Variants in ENTREP2 observed in about 807,000 individuals in gnomAD.
ENTREP2 encodes protein ENTREP2.
the ENTREP2 span, among the ~76,000 whole-genome samples, chr15:29,394,456 A>G: frequency 6.6e-6 from 1 of 152,214 alleles, no homozygotes; most frequent in Non-Finnish European, 1.5e-5. Context: ...AAGCCACAAT[A>G]GTTATAAGTG....
chr15:29,353,437 G>A, the ENTREP2 span, among the ~76,000 whole-genome samples: 1 of 152,132 alleles, frequency 6.6e-6, no homozygotes, highest in Non-Finnish European at 1.5e-5. Context: ...ATGCACTTAG[G>A]TAGGTAGGTA....
the ENTREP2 span, among the ~76,000 whole-genome samples, chr15:29,177,086 C>T: frequency 6.6e-6 from 1 of 152,184 alleles, no homozygotes; most frequent in Non-Finnish European, 1.5e-5. Context: ...CCCAGCTCTC[C>T]ACCTGGGAGC....
the ENTREP2 span, chr15:29,233,632 G>A: frequency 1.3e-6 from 1 of 780,866 alleles, no homozygotes; most frequent in South Asian, 1.6e-5. Flanking sequence ...AGGTGTGCGA[G>A]AGCTTAGTTT....
chr15:29,358,720 C>T, the ENTREP2 span, among the ~76,000 whole-genome samples: 1 of 151,050 alleles, frequency 6.6e-6, no homozygotes, highest in African/African-American at 2.4e-5. Flanking sequence ...TAAAGTAAAG[C>T]ACTCTCAACG....
chr15:29,289,714 T>C, the ENTREP2 span, among the ~76,000 whole-genome samples: 1 of 151,838 alleles, frequency 6.6e-6, no homozygotes, highest in African/African-American at 2.4e-5. Flanking sequence ...GGCATGGTGG[T>C]GCGCACCTGT....
the ENTREP2 span, among the ~76,000 whole-genome samples, chr15:29,629,404 G>A: frequency 3.9e-5 from 6 of 151,982 alleles, no homozygotes; most frequent in Non-Finnish European, 8.8e-5. Flanking sequence ...ATTTCTTGTG[G>A]ATTACCTGAA....
At chr15:29,556,238 TAG>T in the ENTREP2 span, among the ~76,000 whole-genome samples, 4 of 152,236 alleles carry the variant, frequency 2.6e-5, no homozygotes, top group South Asian at 4.2e-4. Flanking sequence ...GCCTGGGCTG[TAG>T]AGAGAGACCC....
chr15:29,181,908 G>A, the ENTREP2 span, among the ~76,000 whole-genome samples: 1 of 151,944 alleles, frequency 6.6e-6, no homozygotes, highest in Non-Finnish European at 1.5e-5. Flanking sequence ...TTAAAATCGG[G>A]AACAAGACAA....
At chr15:29,647,230 A>C in the ENTREP2 span, among the ~76,000 whole-genome samples, 1 of 152,350 alleles carries the variant, frequency 6.6e-6, no homozygotes, top group South Asian at 2.1e-4. Flanking sequence ...AACAGAGCCT[A>C]AAAACACACA....
the ENTREP2 span, among the ~76,000 whole-genome samples, chr15:29,453,238 G>T: frequency 1.1e-4 from 17 of 152,202 alleles, no homozygotes; most frequent in African/African-American, 4.1e-4. Context: ...CTCAGAGGCC[G>T]GTAGGACTGT....
At chr15:29,589,262 G>A in the ENTREP2 span, among the ~76,000 whole-genome samples, 3 of 152,096 alleles carry the variant, frequency 2.0e-5, no homozygotes, top group African/African-American at 7.2e-5. Flanking sequence ...CTTGATTTGG[G>A]TGGATTTCTG....
the ENTREP2 span, among the ~76,000 whole-genome samples, chr15:29,666,618 C>A: frequency 6.6e-6 from 1 of 152,206 alleles, no homozygotes; most frequent in Non-Finnish European, 1.5e-5. Flanking sequence ...CCTCACCGTG[C>A]CTGCACCAGC....
chr15:29,626,337 C>A, the ENTREP2 span, among the ~76,000 whole-genome samples: 1 of 152,094 alleles, frequency 6.6e-6, no homozygotes, highest in Non-Finnish European at 1.5e-5. Context: ...GGGGCGGTTT[C>A]CCCCATACTG....
chr15:29,519,233 A>G, the ENTREP2 span, among the ~76,000 whole-genome samples: 1 of 152,048 alleles, frequency 6.6e-6, no homozygotes, highest in East Asian at 1.9e-4. Flanking sequence ...GAGCTCAAGT[A>G]CAACTTCAGG....
chr15:29,660,994 CTCTATAA>C, the ENTREP2 span, among the ~76,000 whole-genome samples: 1 of 152,128 alleles, frequency 6.6e-6, no homozygotes, highest in African/African-American at 2.4e-5. Context: ...CAAGGGACAA[CTCTATAA>C]TTATTGTAAA....
At chr15:29,243,812 T>C in the ENTREP2 span, among the ~76,000 whole-genome samples, 1 of 152,106 alleles carries the variant, frequency 6.6e-6, no homozygotes, top group Non-Finnish European at 1.5e-5. Flanking sequence ...AAAACACGAA[T>C]AACATAATGA....
chr15:29,245,821 C>T, the ENTREP2 span, among the ~76,000 whole-genome samples: 1 of 152,102 alleles, frequency 6.6e-6, no homozygotes, highest in Non-Finnish European at 1.5e-5. Flanking sequence ...AAAAACAATT[C>T]TGACAACACA....
At chr15:29,251,593 C>A in the ENTREP2 span, among the ~76,000 whole-genome samples, 1 of 151,964 alleles carries the variant, frequency 6.6e-6, no homozygotes, top group Non-Finnish European at 1.5e-5. Context: ...TTATATGTGG[C>A]CCAAGACAAT....
chr15:29,119,648 T>TAAAATAAAATAAAATAA, the ENTREP2 span, among the ~76,000 whole-genome samples: 1 of 4,124 alleles, frequency 2.4e-4, no homozygotes, highest in African/African-American at 2.9e-4. Flanking sequence ...TAAAATAAAA[T>TAAAATAAAATAAAATAA]AATAAAATAA....
Sources: gnomAD v4.1 joint callset for allele counts (sites outside exome capture counted in the v4.1 genomes callset) on GRCh38, gnomAD v4.1.1 for gene constraint, MANE v1.5 for transcripts, NCBI Gene and HGNC (gene_info 2026-07-23, HGNC 2026-07-21) for gene names.